The following CABLES1 variants were observed in gnomAD, a reference collection of about 807,000 sequenced individuals.
The protein encoded by CABLES1 is CDK5 and ABL1 enzyme substrate 1.
CABLES1 carries 36 observed loss-of-function variants against 57.8 expected under a neutral mutation model. The observed-to-expected ratio is 0.62, with a 90% confidence interval of 0.48 to 0.82. The LOEUF (loss-of-function observed/expected upper bound fraction) is 0.82, where lower values mean the gene tolerates loss of function less well. CABLES1 is among the 40% of genes least tolerant of loss of function. The pLI is 0.00. For synonymous variants in CABLES1, 374 were observed against 363.0 expected (o/e 1.03, Z -0.35); for missense variants, 767 against 836.6 (o/e 0.92, Z 1.03).
At position 23,136,082 on chromosome 18, in the gene CABLES1, G is replaced by A. The variant is rs1598791492; in HGVS notation, c.320G>A (p.Arg107Gln). 4.3e-6 allele frequency: 5 copies of A among 1,173,778 alleles called. No homozygotes were observed. The highest frequency in any genetic ancestry group is 5.3e-6 in the Non-Finnish European group (5 of 951,878). The allele number at this position is 1,173,778 out of a possible 1,614,324, so 72.7% of individuals were successfully genotyped here. ...GGCGGCGCCTGCGGCGCGAGGACTC[G>A]GTTCAGCTTGCTCGCCGCTGCCGAG... ...GAGGACGART[R>Q]FSLLAAAERG... The change falls in exon 1 of 10, where the codon CGG becomes CAG. Residue 107 changes from arginine to glutamine, a missense_variant. Transcript: ENST00000256925.
intron 1 of CABLES1, among the ~76,000 whole-genome samples, chr18:23,139,457 C>A (rs1222334756): frequency 6.6e-6 from 1 of 151,222 alleles, no homozygotes; most frequent in Non-Finnish European, 1.5e-5. Context: ...ATCTTGAAAC[C>A]CTTTCTTCTT....
At chr18:23,143,749 C>T (rs2046873058) in intron 1 of CABLES1, among the ~76,000 whole-genome samples, 1 of 152,074 alleles carries the variant, frequency 6.6e-6, no homozygotes, top group African/African-American at 2.4e-5. Flanking sequence ...CTGCCTGCAC[C>T]CTCCTTGCCT....
chr18:23,230,243 G>A (rs1174171136), intron 4 of CABLES1, among the ~76,000 whole-genome samples: 1 of 152,140 alleles, frequency 6.6e-6, no homozygotes, highest in Non-Finnish European at 1.5e-5. Context: ...ATGGCGGCAG[G>A]CGCCTGTAGT....
chr18:23,190,145 C>T (rs1332056540), intron 2 of CABLES1, among the ~76,000 whole-genome samples: 1 of 152,184 alleles, frequency 6.6e-6, no homozygotes, highest in African/African-American at 2.4e-5. Context: ...AGGAGTCATA[C>T]AGAAAGCTAC....
chr18:23,194,365 C>T lies in CABLES1; in HGVS notation c.918-83C>T. 4 of 823,464 alleles carry T rather than the reference C, an allele frequency of 4.9e-6. No individual in the cohort carries two copies. In the Admixed American group the frequency reaches 5.9e-5, roughly 12 times the overall value. The allele number at this position is 823,464 out of a possible 1,614,324, so 51.0% of individuals were successfully genotyped here. ...GGGTGACTCAAGCCATTTGTCTGGT[C>T]CTTCCTTCCTGTCTTTATGTGGAGA... On this transcript the variant is annotated intron_variant, in intron 2 of 9. Transcript: ENST00000256925.
At chr18:23,195,803 A>T (rs2047278301) in intron 3 of CABLES1, among the ~76,000 whole-genome samples, 1 of 152,094 alleles carries the variant, frequency 6.6e-6, no homozygotes, top group African/African-American at 2.4e-5. Flanking sequence ...ATTGTGCTTT[A>T]TTTAACCATT....
rs1176039336 is a variant in CABLES1, at chr18:23,258,330, A to AAAG, written c.*964_*966dup. On this transcript the variant is annotated 3_prime_UTR_variant, in exon 10 of 10. Transcript: ENST00000256925. The stretch of plus-strand genomic sequence containing the variant: ...ACTGTGCTATCTATATCGCTATATA[A>AAAG]AAGTGTTTTATAAAAACCCAGAATA... 8 of 152,588 alleles carry AAAG rather than the reference A, an allele frequency of 5.2e-5. No individual in the cohort carries two copies. The highest frequency in any genetic ancestry group is 1.2e-4 in the African/African-American group (5 of 41,454). 9.5% of individuals were successfully genotyped at this position (152,588 alleles called of 1,614,324 possible). A position where few individuals can be genotyped will look rare whatever the true frequency, so the allele number is the denominator to read the frequency against.
upstream of CABLES1, chr18:23,134,626 GATC>G (rs2144938363): frequency 6.6e-6 from 1 of 152,324 alleles, no homozygotes; most frequent in East Asian, 1.9e-4. Context: ...AGGGAGAAGA[GATC>G]ATAATCTACA....
chr18:23,165,790 T>G (rs900991430), intron 1 of CABLES1, among the ~76,000 whole-genome samples: 2 of 152,252 alleles, frequency 1.3e-5, no homozygotes, highest in Admixed American at 1.3e-4. Flanking sequence ...TTTCAGCTCT[T>G]GTGAATGATG....
rs1292668403 is a variant in CABLES1, at chr18:23,258,645, C to T, written c.*1278C>T. ...TAAAAAGAGAATTAAACTCTTGTTG[C>T]TTTTTGTATACCTGTATGCGTTTGT... is the stretch of plus-strand genomic sequence containing the variant. On this transcript the variant is annotated 3_prime_UTR_variant, in exon 10 of 10. Coordinates refer to ENST00000256925, the MANE Select transcript of CABLES1 (RefSeq NM_001100619.3). The T allele has an allele frequency of 6.6e-6, 1 of 152,226 alleles. No individual in the cohort carries two copies. The highest frequency in any genetic ancestry group is 1.5e-5 in the Non-Finnish European group (1 of 68,058). The allele number at this position is 152,226 out of a possible 1,614,324, so 9.4% of individuals were successfully genotyped here. A position where few individuals can be genotyped will look rare whatever the true frequency, so the allele number is the denominator to read the frequency against.
At chr18:23,255,263 CCA>C (rs2048133548) in intron 9 of CABLES1, among the ~76,000 whole-genome samples, 1 of 152,002 alleles carries the variant, frequency 6.6e-6, no homozygotes, top group African/African-American at 2.4e-5. Flanking sequence ...CAGCAAGGCC[CCA>C]GATATCAAAG....
intron 3 of CABLES1, among the ~76,000 whole-genome samples, chr18:23,201,637 T>C (rs1801748191): frequency 6.6e-6 from 1 of 152,196 alleles, no homozygotes; most frequent in South Asian, 2.1e-4. Flanking sequence ...TGCCCAATAA[T>C]AAGGCAGTTC....
At chr18:23,151,907 A>G (rs1369953823) in intron 1 of CABLES1, among the ~76,000 whole-genome samples, 2 of 152,184 alleles carry the variant, frequency 1.3e-5, no homozygotes, top group Admixed American at 6.5e-5. Context: ...GGCCACTTGC[A>G]CCACAGTGGT....
At chr18:23,185,479 G>C (rs1007273818) in intron 1 of CABLES1, among the ~76,000 whole-genome samples, 8 of 152,122 alleles carry the variant, frequency 5.3e-5, no homozygotes, top group African/African-American at 1.9e-4. Flanking sequence ...CAGGGCTCAC[G>C]GTCACATTGT....
chr18:23,203,791 G>A (rs1026458103), intron 3 of CABLES1, among the ~76,000 whole-genome samples: 5 of 152,120 alleles, frequency 3.3e-5, no homozygotes, highest in South Asian at 2.1e-4. Flanking sequence ...AAATGAACCC[G>A]TCCAGTTTGA....
At chr18:23,156,203 A>G (rs2144968039) in intron 1 of CABLES1, among the ~76,000 whole-genome samples, 1 of 152,320 alleles carries the variant, frequency 6.6e-6, no homozygotes, top group African/African-American at 2.4e-5. Flanking sequence ...GGTATTTCCT[A>G]CAGGGGCTGG....
intron 4 of CABLES1, among the ~76,000 whole-genome samples, chr18:23,231,192 A>G (rs1161523951): frequency 1.3e-5 from 2 of 152,242 alleles, no homozygotes; most frequent in African/African-American, 2.4e-5. Context: ...TTATCTTGCC[A>G]TAGGAACTTA....
chr18:23,158,394 G>A (rs79880225), intron 1 of CABLES1, among the ~76,000 whole-genome samples: 3,013 of 152,300 alleles, frequency 0.02, 55 homozygotes, highest in African/African-American at 0.051. Flanking sequence ...ACCCTGTAGC[G>A]TGTAGACCTT....
At chr18:23,200,813 G>A (rs1267118927) in intron 3 of CABLES1, among the ~76,000 whole-genome samples, 1 of 152,238 alleles carries the variant, frequency 6.6e-6, no homozygotes, top group Non-Finnish European at 1.5e-5. Context: ...CCTGTGGATA[G>A]AGCAGTGAGA....
Sources: gnomAD v4.1 joint callset for allele counts (sites outside exome capture counted in the v4.1 genomes callset) on GRCh38, gnomAD v4.1.1 for gene constraint, MANE v1.5 for transcripts, NCBI Gene and HGNC (gene_info 2026-07-23, HGNC 2026-07-21) for gene names.